The following FAM222B variants were observed in gnomAD, a reference collection of about 807,000 sequenced individuals.
FAM222B encodes the protein family with sequence similarity 222 member B, also known as protein FAM222B.
Under a neutral mutation model 38.0 loss-of-function variants are expected in FAM222B, and 12 were observed. The observed-to-expected ratio is 0.32, with a 90% CI of 0.20 to 0.51. The LOEUF is 0.51. Among genes scored for constraint, FAM222B ranks in the 20% least tolerant of loss-of-function variants. The pLI is 0.97. For synonymous variants in FAM222B, 329 were observed against 317.2 expected, an observed-to-expected ratio of 1.04 and a Z score of -0.40; for missense variants, 716 against 754.2, an observed-to-expected ratio of 0.95 and a Z score of 0.59.
intron 2 of FAM222B, among the ~76,000 whole-genome samples, chr17:28,762,937 CAAA>C (rs1158122413): frequency 1.2e-4 from 12 of 100,546 alleles, no homozygotes; most frequent in Admixed American, 1.1e-3. Flanking sequence ...GACTCCGTCT[CAAA>C]AAAAAAAAAA....
At chr17:28,801,871 G>C (rs116865384) in intron 1 of FAM222B, among the ~76,000 whole-genome samples, 2 of 152,180 alleles carry the variant, frequency 1.3e-5, no homozygotes, top group Non-Finnish European at 2.9e-5. Context: ...TAAATCTTAA[G>C]TTATGACTAA....
chr17:28,764,305 T>C (rs1206333343), intron 2 of FAM222B, among the ~76,000 whole-genome samples: 1 of 139,890 alleles, frequency 7.1e-6, no homozygotes, highest in East Asian at 2.1e-4. Flanking sequence ...GGGCCGGGCA[T>C]GGTGGCTCAT....
rs559809309 is a variant in FAM222B, at chr17:28,758,603, G to A, written c.1356C>T (p.Pro452=). 6.8e-6 allele frequency: 11 copies of A among 1,611,220 alleles called. No individual in the cohort carries two copies. In the East Asian group the frequency reaches 2.5e-4, roughly 36 times the overall value. ...GAGTGGGCAGAATGTTGTTCCACAGGGGTTGGAAGTAGTGACCATTGGGGT... is the reference window on the plus strand; with the variant it reads ...GAGTGGGCAGAATGTTGTTCCACAGAGGTTGGAAGTAGTGACCATTGGGGT... The part of the protein sequence containing the change: ...LAYPNGHYFQ[P]LWNNILPTPN... Residue 452 remains proline (P), a synonymous_variant, in exon 3 of 3, where the codon CCC becomes CCT. Transcript: ENST00000581407.
intron 1 of FAM222B, among the ~76,000 whole-genome samples, chr17:28,773,085 A>G: frequency 6.6e-6 from 1 of 152,158 alleles, no homozygotes; most frequent in East Asian, 1.9e-4. Context: ...AGTCCCAAGA[A>G]GAAACTTCCA....
At chr17:28,799,295 A>C (rs1215571473) in intron 1 of FAM222B, among the ~76,000 whole-genome samples, 1 of 134,298 alleles carries the variant, frequency 7.4e-6, no homozygotes, top group African/African-American at 2.8e-5. Flanking sequence ...AACACAGAAA[A>C]ACTTTTTTTT....
rs771254136 is a variant in FAM222B, at chr17:28,758,332, TGCCAGGGGCTCGGTG to T, written c.1612_1626del (p.His538_Gly542del). 3 of 1,611,430 alleles carry T rather than the reference TGCCAGGGGCTCGGTG, an allele frequency of 1.9e-6. No homozygotes were observed. In the East Asian group the frequency reaches 6.7e-5, roughly 36 times the overall value. The stretch of plus-strand genomic sequence containing the variant: ...CTCTCTGTGGGATCGGGGGCTCGGT[TGCCAGGGGCTCGGTG>T]GGCCTTGCTCAGCATGGCCAGGCTC... On this transcript the variant is annotated inframe_deletion, in exon 3 of 3. Coordinates refer to ENST00000581407, the MANE Select transcript of FAM222B (RefSeq NM_001077498.3).
chr17:28,805,939 C>G (rs1049487285), intron 1 of FAM222B, among the ~76,000 whole-genome samples: 1 of 152,018 alleles, frequency 6.6e-6, no homozygotes, highest in Admixed American at 6.6e-5. Context: ...GTCGGGAGTT[C>G]GAGACCAGCC....
rs367992954 is a variant in FAM222B, at chr17:28,766,762, G to A, written c.-40-55C>T. ...CACAAGGCAACTCATTCGAAGAAGA[G>A]AGTAGGAACACTGGATATGACTGGC... On this transcript the variant is annotated intron_variant, in intron 1 of 2. Coordinates refer to ENST00000581407, the MANE Select transcript of FAM222B (RefSeq NM_001077498.3). 3 of 1,003,068 alleles carry A rather than the reference G, an allele frequency of 3.0e-6. No homozygotes were observed. In the South Asian group the frequency reaches 4.2e-5, roughly 14 times the overall value. 62.1% of individuals were successfully genotyped at this position (1,003,068 alleles called of 1,614,324 possible).
intron 1 of FAM222B, among the ~76,000 whole-genome samples, chr17:28,829,700 T>C (rs1014393206): frequency 2.0e-5 from 3 of 151,976 alleles, no homozygotes; most frequent in Non-Finnish European, 4.4e-5. Context: ...TACATTAGTT[T>C]GTTTATCCAT....
At chr17:28,827,910 T>C (rs1237723334) in intron 1 of FAM222B, among the ~76,000 whole-genome samples, 1 of 151,918 alleles carries the variant, frequency 6.6e-6, no homozygotes, top group Non-Finnish European at 1.5e-5. Context: ...CCTTGAGACA[T>C]GCAGATTAGT....
At chr17:28,820,971 T>A (rs2038196875) in intron 1 of FAM222B, among the ~76,000 whole-genome samples, 1 of 151,064 alleles carries the variant, frequency 6.6e-6, no homozygotes, top group South Asian at 2.1e-4. Context: ...ATTTTTTTTT[T>A]TTTGAGATGG....
Position 28,828,095 on chromosome 17 carries a change from ATTTTTTTTTTTTTT to A in FAM222B, c.-41+14573_-41+14586del, listed in dbSNP as rs528492764. Among the ~76,000 whole-genome samples the A allele has an allele frequency of 6.7e-5, 5 of 74,692 alleles. 1 individual carries two copies. The South Asian group carries it at 1.7e-3, about 25-fold the overall frequency. 49.0% of individuals were successfully genotyped at this position (74,692 alleles called of 152,430 possible). On this transcript the variant is annotated intron_variant, in intron 1 of 2. Transcript: ENST00000581407. Reference sequence around the variant, plus strand: ...TAAGGAGAAATCAAGATCAAATCCAATTTTTTTTTTTTTTTTTTTTTTTTTTTTTTTTGAGACAG... The same window carrying A: ...TAAGGAGAAATCAAGATCAAATCCAATTTTTTTTTTTTTTTTTTGAGACAG...
At chr17:28,760,634 A>G (rs905176660) in intron 2 of FAM222B, among the ~76,000 whole-genome samples, 11 of 151,856 alleles carry the variant, frequency 7.2e-5, no homozygotes, top group Middle Eastern at 6.9e-3. Context: ...CTACCAGCCC[A>G]TGTGGCTTGG....
intron 2 of FAM222B, among the ~76,000 whole-genome samples, chr17:28,763,224 A>G (rs1171216511): frequency 6.6e-6 from 1 of 152,220 alleles, no homozygotes; most frequent in East Asian, 1.9e-4. Context: ...TCAATTATCA[A>G]CAGGGATGAA....
chr17:28,778,719 A>ATATT (rs1411311023), intron 1 of FAM222B, among the ~76,000 whole-genome samples: 4 of 25,496 alleles, frequency 1.6e-4, no homozygotes, highest in African/African-American at 6.1e-4. Context: ...ATATATATAT[A>ATATT]TTTTTTTTTT....
chr17:28,772,363 G>A (rs1375079037), intron 1 of FAM222B, among the ~76,000 whole-genome samples: 1 of 152,072 alleles, frequency 6.6e-6, no homozygotes. Context: ...ATGAGTAGGA[G>A]ATGTGGATCC....
intron 1 of FAM222B, among the ~76,000 whole-genome samples, chr17:28,820,636 CTTT>C (rs557770356): frequency 6.9e-6 from 1 of 144,272 alleles, no homozygotes. Flanking sequence ...AATGGTAAAA[CTTT>C]TTTTTTTTTT....
chr17:28,847,533 G>A (rs1160407565), upstream of FAM222B, among the ~76,000 whole-genome samples: 1 of 152,104 alleles, frequency 6.6e-6, no homozygotes, highest in Non-Finnish European at 1.5e-5. Context: ...AGTGGAGGTT[G>A]CAGTGAGCCG....
chr17:28,816,146 G>C (rs1167775444), intron 1 of FAM222B, among the ~76,000 whole-genome samples: 1 of 151,530 alleles, frequency 6.6e-6, no homozygotes, highest in Non-Finnish European at 1.5e-5. Context: ...GTATGGTAGT[G>C]GGGGCCTGTA....
Sources: gnomAD v4.1 joint callset for allele counts (sites outside exome capture counted in the v4.1 genomes callset) on GRCh38, gnomAD v4.1.1 for gene constraint, MANE v1.5 for transcripts, NCBI Gene and HGNC (gene_info 2026-07-23, HGNC 2026-07-21) for gene names.